The following SMIM20 variants were observed in gnomAD, a reference collection of about 807,000 sequenced individuals.
SMIM20 encodes mitochondrial translation regulation assembly intermediate of cytochrome c oxidase protein of 7 kDa.
In SMIM20, 3 loss-of-function variants were observed where a neutral mutation model predicts 8.7. The observed-to-expected ratio is 0.34, with a 90% CI of 0.16 to 0.89. The LOEUF is 0.89. Ranked by LOEUF, SMIM20 falls within the 40% of genes least tolerant of loss-of-function variation. The pLI is 0.49. For synonymous variants in SMIM20, 44 were observed against 33.6 expected (o/e 1.31, Z -1.07); for missense variants, 85 against 84.8 (o/e 1.00, Z -0.01).
chr4:25,927,623 A>G (rs1420787807), intron 1 of SMIM20, among the ~76,000 whole-genome samples: 1 of 152,222 alleles, frequency 6.6e-6, no homozygotes, highest in Non-Finnish European at 1.5e-5. Context: ...TTGTTTTTAC[A>G]GACCTTGGGT....
At chr4:25,921,102 T>C (rs1719194645) in intron 1 of SMIM20, among the ~76,000 whole-genome samples, 1 of 152,194 alleles carries the variant, frequency 6.6e-6, no homozygotes, top group Admixed American at 6.5e-5. Flanking sequence ...ATTGATTGTA[T>C]GTTAACTAGA....
At chr4:25,923,324 T>C (rs568403691) in intron 1 of SMIM20, among the ~76,000 whole-genome samples, 2 of 152,246 alleles carry the variant, frequency 1.3e-5, no homozygotes, top group Non-Finnish European at 1.5e-5. Context: ...ACAAATAACA[T>C]GCATTTGAGG....
At chr4:25,918,526 G>A (rs886408373) in intron 1 of SMIM20, among the ~76,000 whole-genome samples, 3 of 150,072 alleles carry the variant, frequency 2.0e-5, no homozygotes, top group African/African-American at 7.4e-5. Context: ...TTTTTGAGAT[G>A]GAGTTTCGCT....
rs774013524 is a variant in SMIM20, at chr4:25,914,347, G to C, written c.34G>C (p.Gly12Arg). 28 of 1,550,588 alleles carry C rather than the reference G, an allele frequency of 1.8e-5. No individual in the cohort carries two copies. The East Asian group carries it at 5.1e-4, about 28-fold the overall frequency. ...SRNLRTALIFGGFISLIGAAF... is the reference protein window; with the variant it reads ...SRNLRTALIFRGFISLIGAAF... The stretch of plus-strand genomic sequence containing the variant: ...GAACCTGCGCACCGCGCTCATTTTC[G>C]GCGGCTTCATCTCCCTGATCGGCGC... Residue 12 changes from glycine (G) to arginine (R), a missense_variant, in exon 1 of 3, where the codon GGC becomes CGC. Physicochemically the swap from Gly to Arg is moderately radical, Grantham distance 125. Coordinates refer to ENST00000506197, the MANE Select transcript of SMIM20 (RefSeq NM_001145432.3).
At chr4:25,918,719 G>T (rs1719142337) in intron 1 of SMIM20, among the ~76,000 whole-genome samples, 1 of 151,490 alleles carries the variant, frequency 6.6e-6, no homozygotes, top group Admixed American at 6.6e-5. Context: ...CACCATGTTG[G>T]CCAGGCTGGT....
chr4:25,924,193 CA>C (rs1719247581), intron 1 of SMIM20, among the ~76,000 whole-genome samples: 1 of 152,172 alleles, frequency 6.6e-6, no homozygotes, highest in Admixed American at 6.5e-5. Flanking sequence ...TAGGTAACAG[CA>C]GCAACAAAAG....
chr4:25,920,073 T>C (rs556613938), intron 1 of SMIM20, among the ~76,000 whole-genome samples: 1 of 152,356 alleles, frequency 6.6e-6, no homozygotes, highest in South Asian at 2.1e-4. Flanking sequence ...TTGGAAAATG[T>C]ATAGAACTGC....
intron 1 of SMIM20, among the ~76,000 whole-genome samples, chr4:25,915,447 C>T (rs1316126219): frequency 6.6e-6 from 1 of 152,162 alleles, no homozygotes; most frequent in Admixed American, 6.5e-5. Flanking sequence ...GAATTGAAGG[C>T]GAAAGCTCCG....
At chr4:25,923,161 CT>C (rs1489933740) in intron 1 of SMIM20, among the ~76,000 whole-genome samples, 21 of 152,328 alleles carry the variant, frequency 1.4e-4, no homozygotes, top group Admixed American at 1.4e-3. Flanking sequence ...TACAGTTCTG[CT>C]GTACTTCTGG....
intron 1 of SMIM20, among the ~76,000 whole-genome samples, chr4:25,923,288 G>A (rs1719230692): frequency 6.6e-6 from 1 of 152,230 alleles, no homozygotes; most frequent in Admixed American, 6.5e-5. Context: ...CCTAGAACTA[G>A]ACAGTGACCC....
intron 1 of SMIM20, among the ~76,000 whole-genome samples, chr4:25,925,918 T>C: frequency 6.6e-6 from 1 of 152,228 alleles, no homozygotes; most frequent in East Asian, 1.9e-4. Context: ...GGACCAGAGA[T>C]AACGTCCTCA....
At chr4:25,927,121 G>GC (rs1394718192) in intron 1 of SMIM20, among the ~76,000 whole-genome samples, 65 of 152,296 alleles carry the variant, frequency 4.3e-4, no homozygotes, top group Middle Eastern at 3.4e-3. Flanking sequence ...CCATTCATCC[G>GC]CTACTTTTCA....
chr4:25,914,471 A>C, intron 1 of SMIM20, 49 bp downstream of exon 1: 5 of 1,378,608 alleles, frequency 3.6e-6, no homozygotes, highest in East Asian at 2.8e-5. Flanking sequence ...CAACACACAC[A>C]CCTCCCCTCT....
chr4:25,923,619 G>A (rs1719237014), intron 1 of SMIM20, among the ~76,000 whole-genome samples: 1 of 152,202 alleles, frequency 6.6e-6, no homozygotes, highest in South Asian at 2.1e-4. Context: ...AGGCCACAGG[G>A]GAGAGCTGTG....
chr4:25,929,263 G>A lies in SMIM20; in HGVS notation c.*72G>A. 6.7e-7 allele frequency: 1 copy of A among 1,485,228 alleles called. No individual in the cohort carries two copies. The allele number at this position is 1,485,228 out of a possible 1,614,324, so 92.0% of individuals were successfully genotyped here. ...TTCGATTCTGCATGGGGTACAGCCA[G>A]TCACCTCACCAGAGAATGACGGCTG... On this transcript the variant is annotated 3_prime_UTR_variant, in exon 3 of 3. Transcript: ENST00000506197.
chr4:25,915,601 G>T (rs1420914532), intron 1 of SMIM20, among the ~76,000 whole-genome samples: 1 of 152,160 alleles, frequency 6.6e-6, no homozygotes, highest in African/African-American at 2.4e-5. Context: ...CAGCTTATCT[G>T]CATGCACCAT....
At chr4:25,919,837 A>T (rs1244144407) in intron 1 of SMIM20, among the ~76,000 whole-genome samples, 1 of 152,136 alleles carries the variant, frequency 6.6e-6, no homozygotes, top group Non-Finnish European at 1.5e-5. Flanking sequence ...TGTCCCATGC[A>T]CCTGACATAA....
intron 1 of SMIM20, among the ~76,000 whole-genome samples, chr4:25,921,081 G>A (rs1022562831): frequency 2.0e-5 from 3 of 152,212 alleles, no homozygotes; most frequent in African/African-American, 7.2e-5. Context: ...CTCTTTACAA[G>A]CATCACTCTG....
chr4:25,927,639 C>G (rs930793545), intron 1 of SMIM20, among the ~76,000 whole-genome samples: 1 of 152,178 alleles, frequency 6.6e-6, no homozygotes, highest in Admixed American at 6.5e-5. Context: ...TGGGTTTATT[C>G]TAAACCACTT....
Sources: allele counts gnomAD v4.1 joint callset (sites outside exome capture counted in the v4.1 genomes callset), GRCh38; gene constraint gnomAD v4.1.1; transcripts MANE v1.5; gene names NCBI Gene and HGNC (gene_info 2026-07-23, HGNC 2026-07-21).